Variants in RNF141 observed in about 807,000 individuals in gnomAD.
RNF141 encodes the protein C3HC4-like zinc finger protein.
RNF141 carries 18 observed loss-of-function variants against 27.4 expected under a neutral mutation model. The observed-to-expected ratio is 0.66, with a 90% confidence interval of 0.45 to 0.97. The LOEUF (loss-of-function observed/expected upper bound fraction) is 0.97. Among genes scored for constraint, RNF141 ranks in the 50% least tolerant of loss-of-function variants. The probability of loss-of-function intolerance (pLI) is 0.00; values close to 1 mark genes in which losing one functional copy is unlikely to be tolerated. For synonymous variants in RNF141, 97 were observed against 96.6 expected (o/e 1.00, Z -0.02); for missense variants, 230 against 279.4 (o/e 0.82, Z 1.26).
At chr11:10,527,167 T>G (rs1024541893) in intron 3 of RNF141, among the ~76,000 whole-genome samples, 24 of 152,248 alleles carry the variant, frequency 1.6e-4, no homozygotes, top group Admixed American at 3.9e-4. Flanking sequence ...TTATTGGTAC[T>G]ATGTGCACTG....
intron 5 of RNF141, 22 bp from the exon 6 acceptor site, chr11:10,515,088 AAC>A (rs1299773746): frequency 1.9e-5 from 30 of 1,586,088 alleles, no homozygotes; most frequent in African/African-American, 4.1e-5. Context: ...GTCAAAACAA[AAC>A]AGTTTGCTTT....
chr11:10,522,327 G>A (rs554768076), intron 4 of RNF141, among the ~76,000 whole-genome samples: 41 of 152,284 alleles, frequency 2.7e-4, no homozygotes, highest in African/African-American at 8.7e-4. Context: ...AGAGCATTGT[G>A]GAGAGAGATA....
rs1850071049 is a variant in RNF141, at chr11:10,539,691, C to CACATATATATATATATATATATATATAT, written c.-48+1430_-48+1431insATATATATATATATATATATATATATGT. Among the ~76,000 whole-genome samples, 2 of 40,352 alleles carry CACATATATATATATATATATATATATAT rather than the reference C, an allele frequency of 5.0e-5. 1 individual carries two copies. The highest frequency in any genetic ancestry group is 1.0e-4 in the Non-Finnish European group (2 of 19,142). 26.5% of individuals were successfully genotyped at this position (40,352 alleles called of 152,430 possible). On this transcript the variant is annotated intron_variant, in intron 1 of 5. Coordinates refer to ENST00000265981, the MANE Select transcript of RNF141 (RefSeq NM_016422.4). ...GATCTTGATCAGAAAAAGATACATA[C>CACATATATATATATATATATATATATAT]ATATATATTAGAGAGAGAAGGAGAG...
chr11:10,524,807 A>G (rs1849917600), intron 4 of RNF141, among the ~76,000 whole-genome samples: 1 of 148,498 alleles, frequency 6.7e-6, no homozygotes, highest in African/African-American at 2.4e-5. Flanking sequence ...TCAATTAGAC[A>G]TTTTTTAAAA....
rs1849805785 is a variant in RNF141 at position 10,512,157 on chromosome 11, A to G, written c.*2759T>C. 6.6e-6 allele frequency: 1 copy of G among 152,664 alleles called. No individual in the cohort carries two copies. The highest frequency in any genetic ancestry group is 6.5e-5 in the Admixed American group (1 of 15,278). The allele number at this position is 152,664 out of a possible 1,614,324, so 9.5% of individuals were successfully genotyped here. A position where few individuals can be genotyped will look rare whatever the true frequency, so the allele number is the denominator to read the frequency against. Reference sequence around the variant, plus strand: ...TCACAAATCCTAGAAGGCACACATTATATTTCCTATCATAGTAAGTACATT... The same window carrying G: ...TCACAAATCCTAGAAGGCACACATTGTATTTCCTATCATAGTAAGTACATT... On this transcript the variant is annotated 3_prime_UTR_variant, in exon 6 of 6. Coordinates refer to ENST00000265981, the MANE Select transcript of RNF141 (RefSeq NM_016422.4).
At chr11:10,521,742 G>T (rs1334818793) in intron 4 of RNF141, among the ~76,000 whole-genome samples, 1 of 152,200 alleles carries the variant, frequency 6.6e-6, no homozygotes, top group Non-Finnish European at 1.5e-5. Flanking sequence ...CATTCTAGGT[G>T]CATAAACAAA....
In RNF141 at chr11:10,514,862, C is replaced by T. The variant is rs1849831044; in HGVS notation, c.*54G>A. The T allele has an allele frequency of 6.5e-7, 1 of 1,543,338 alleles. No homozygotes were observed. The highest frequency in any genetic ancestry group is 1.9e-5 in the Admixed American group (1 of 52,194). On this transcript the variant is annotated 3_prime_UTR_variant, in exon 6 of 6. Coordinates refer to ENST00000265981, the MANE Select transcript of RNF141 (RefSeq NM_016422.4). ...CAGTGCCACAACCCTACATTCTTCC[C>T]CCATGACCAAATATTTGAGCCCACA...
chr11:10,533,038 G>A (rs2133974704), intron 2 of RNF141, among the ~76,000 whole-genome samples: 1 of 152,296 alleles, frequency 6.6e-6, no homozygotes, highest in Middle Eastern at 3.4e-3. Context: ...AAGTTGAAGA[G>A]ACTAAACAGA....
chr11:10,527,773 G>A (rs1339464082), intron 3 of RNF141, among the ~76,000 whole-genome samples: 1 of 152,188 alleles, frequency 6.6e-6, no homozygotes, highest in East Asian at 1.9e-4. Flanking sequence ...AGCAGGGCAA[G>A]AGAAGCAGGG....
intron 3 of RNF141, among the ~76,000 whole-genome samples, chr11:10,528,902 C>T (rs548334947): frequency 1.8e-4 from 28 of 152,144 alleles, no homozygotes; most frequent in Admixed American, 4.6e-4. Flanking sequence ...CAACTTTTTT[C>T]GTAATGCAGT....
intron 4 of RNF141, among the ~76,000 whole-genome samples, chr11:10,519,836 CAGTG>C (rs1298829149): frequency 2.0e-5 from 3 of 152,284 alleles, no homozygotes; most frequent in African/African-American, 4.8e-5. Context: ...CTAGGTGAGT[CAGTG>C]AGTGAGTAGT....
At chr11:10,535,164 T>C (rs1000604064) in intron 1 of RNF141, among the ~76,000 whole-genome samples, 1 of 151,744 alleles carries the variant, frequency 6.6e-6, no homozygotes, top group African/African-American at 2.4e-5. Flanking sequence ...AATACTCTTA[T>C]AGAAAAAGTT....
chr11:10,522,868 G>A (rs1849901043), intron 4 of RNF141, among the ~76,000 whole-genome samples: 2 of 152,158 alleles, frequency 1.3e-5, no homozygotes, highest in African/African-American at 4.8e-5. Context: ...TCTGTTAGAA[G>A]ATGAGGAAAC....
Position 10,534,109 on chromosome 11 carries a change from G to A in RNF141, c.50C>T (p.Pro17Leu). 6.2e-7 allele frequency: 1 copy of A among 1,613,310 alleles called. No individual in the cohort carries two copies. ...DQTQLVINKL[P>L]EKVAKHVTLV... is the part of the protein sequence containing the mutation. ...CGTAACATGTTTTGCTACTTTTTCT[G>A]GTAACTTGTTAATAACCAACTGTGT... Residue 17 changes from proline (P) to leucine (L), a missense_variant, in exon 2 of 6, where the codon CCA becomes CTA. Coordinates refer to ENST00000265981, the MANE Select transcript of RNF141 (RefSeq NM_016422.4).
At chr11:10,533,911 T>C in intron 2 of RNF141, 105 bp downstream of exon 2, 2 of 1,015,668 alleles carry the variant, frequency 2.0e-6, no homozygotes, top group South Asian at 1.7e-5. Flanking sequence ...CTGAAAACAT[T>C]AAGTCTTACC....
At chr11:10,515,248 C>T (rs1849834441) in intron 5 of RNF141, 182 bp from the exon 6 acceptor site, 1 of 657,434 alleles carries the variant, frequency 1.5e-6, no homozygotes, top group African/African-American at 1.8e-5. Flanking sequence ...CCACAGTTAC[C>T]AGTTTCTTAT....
intron 2 of RNF141, among the ~76,000 whole-genome samples, chr11:10,532,765 G>C (rs542886519): frequency 1.3e-5 from 2 of 152,242 alleles, no homozygotes; most frequent in South Asian, 4.1e-4. Flanking sequence ...AATGCCTACG[G>C]AGTGGGTTCA....
intron 2 of RNF141, among the ~76,000 whole-genome samples, chr11:10,532,907 A>C (rs533198787): frequency 1.3e-5 from 2 of 152,292 alleles, no homozygotes; most frequent in African/African-American, 4.8e-5. Flanking sequence ...TAACAGGAAA[A>C]CTGAGATTCA....
intron 1 of RNF141, among the ~76,000 whole-genome samples, chr11:10,535,670 G>C (rs1425332529): frequency 6.6e-6 from 1 of 152,010 alleles, no homozygotes; most frequent in African/African-American, 2.4e-5. Context: ...TTCTAAGCAA[G>C]GACAGTTTCC....
Sources: gnomAD v4.1 joint callset for allele counts (sites outside exome capture counted in the v4.1 genomes callset) on GRCh38, gnomAD v4.1.1 for gene constraint, MANE v1.5 for transcripts, NCBI Gene and HGNC (gene_info 2026-07-23, HGNC 2026-07-21) for gene names.